MCTP1: variants seen among roughly 807,000 people sequenced by gnomAD.
MCTP1 encodes multiple C2 and transmembrane domain-containing protein 1.
Under a neutral mutation model 120.6 loss-of-function variants are expected in MCTP1, and 69 were observed. The observed-to-expected ratio is 0.57, with a 90% CI of 0.47 to 0.70. The LOEUF (loss-of-function observed/expected upper bound fraction) is 0.70. MCTP1 is among the 30% of genes least tolerant of loss of function. The pLI is 0.00. For missense variants in MCTP1, 1,203 were observed against 1,248.8 expected, an observed-to-expected ratio of 0.96 and a Z score of 0.55; for synonymous variants, 529 against 493.1, an observed-to-expected ratio of 1.07 and a Z score of -0.96.
intron 1 of MCTP1, among the ~76,000 whole-genome samples, chr5:95,233,343 T>C (rs1461482250): frequency 5.4e-5 from 8 of 147,980 alleles, no homozygotes; most frequent in Non-Finnish European, 6.0e-5. Context: ...TTTTTTTTTT[T>C]CTCGAGACGG....
At chr5:95,238,957 A>T (rs1755861447) in intron 1 of MCTP1, among the ~76,000 whole-genome samples, 2 of 152,302 alleles carry the variant, frequency 1.3e-5, no homozygotes, top group African/African-American at 4.8e-5. Flanking sequence ...TTTTGATTTC[A>T]GTATACATGT....
In MCTP1 at chr5:94,861,054, TC is replaced by T. The variant is rs1481279749; in HGVS notation, c.2436+7278del. Among the ~76,000 whole-genome samples, 5 of 151,822 alleles carry T rather than the reference TC, an allele frequency of 3.3e-5. No individual in the cohort carries two copies. In the East Asian group the frequency reaches 7.7e-4, roughly 24 times the overall value. On this transcript the variant is annotated intron_variant, in intron 17 of 22. Coordinates refer to ENST00000515393, the MANE Select transcript of MCTP1 (RefSeq NM_024717.7). ...CTTGCCTCTTAGTTTTCTCTGATTT[TC>T]TCTTCGTTATTTCAGCTATTTGAGC...
intron 1 of MCTP1, among the ~76,000 whole-genome samples, chr5:95,172,560 G>A (rs759048971): frequency 1.9e-4 from 28 of 151,186 alleles, no homozygotes; most frequent in Middle Eastern, 3.2e-3. Flanking sequence ...CACAGGCATA[G>A]ATGAATTATT....
chr5:94,829,260 G>A (rs1327139230), intron 17 of MCTP1, among the ~76,000 whole-genome samples: 2 of 152,056 alleles, frequency 1.3e-5, no homozygotes, highest in South Asian at 2.1e-4. Flanking sequence ...GTGAGGCGAC[G>A]CCCCACCCTG....
intron 2 of MCTP1, among the ~76,000 whole-genome samples, chr5:95,006,345 G>A (rs938043317): frequency 6.6e-6 from 1 of 151,140 alleles, no homozygotes; most frequent in African/African-American, 2.4e-5. Context: ...GTGTGTATGT[G>A]TATGGGTGTA....
intron 1 of MCTP1, among the ~76,000 whole-genome samples, chr5:95,134,983 C>T (rs1398182649): frequency 1.0e-5 from 1 of 98,344 alleles, no homozygotes; most frequent in Non-Finnish European, 1.8e-5. Flanking sequence ...TTTACTGTTG[C>T]CTGATGGCCA....
At chr5:95,095,895 G>T (rs570663048) in intron 1 of MCTP1, among the ~76,000 whole-genome samples, 1 of 152,104 alleles carries the variant, frequency 6.6e-6, no homozygotes, top group Non-Finnish European at 1.5e-5. Flanking sequence ...ATGAGGGGAG[G>T]CCCAGAAGGC....
At chr5:95,131,134 G>T in intron 1 of MCTP1, among the ~76,000 whole-genome samples, 1 of 152,064 alleles carries the variant, frequency 6.6e-6, no homozygotes. Flanking sequence ...CTCTTTGGTG[G>T]TAACAGAGCA....
At chr5:95,151,959 T>C (rs1368584375) in intron 1 of MCTP1, among the ~76,000 whole-genome samples, 7 of 152,204 alleles carry the variant, frequency 4.6e-5, no homozygotes, top group African/African-American at 7.2e-5. Context: ...AATGGCAACA[T>C]TGTTGAAAGC....
intron 1 of MCTP1, among the ~76,000 whole-genome samples, chr5:95,269,768 C>G (rs1469490353): frequency 6.6e-6 from 1 of 152,196 alleles, no homozygotes; most frequent in Non-Finnish European, 1.5e-5. Flanking sequence ...TTGCCACTTA[C>G]TAACTATGGA....
intron 1 of MCTP1, among the ~76,000 whole-genome samples, chr5:95,101,382 T>C (rs1756722477): frequency 1.3e-5 from 2 of 152,226 alleles, no homozygotes; most frequent in Non-Finnish European, 2.9e-5. Context: ...AGAAAACATC[T>C]TGTTTCCTGT....
intron 2 of MCTP1, among the ~76,000 whole-genome samples, chr5:95,013,250 G>A (rs1484886202): frequency 6.6e-6 from 1 of 152,128 alleles, no homozygotes; most frequent in Non-Finnish European, 1.5e-5. Flanking sequence ...ATTGGTTCCT[G>A]AGGTTTAAGG....
chr5:95,277,549 C>T (rs935859726), intron 1 of MCTP1, among the ~76,000 whole-genome samples: 1 of 152,218 alleles, frequency 6.6e-6, no homozygotes, highest in African/African-American at 2.4e-5. Context: ...CATTCAGGCA[C>T]CATTTATTGA....
At chr5:95,112,867 CAGA>C (rs1241585688) in intron 1 of MCTP1, among the ~76,000 whole-genome samples, 3 of 152,004 alleles carry the variant, frequency 2.0e-5, no homozygotes, top group African/African-American at 2.4e-5. Flanking sequence ...AATTCTAAAG[CAGA>C]AGATTTCTTT....
At chr5:95,075,532 TG>T (rs1320178182) in intron 1 of MCTP1, among the ~76,000 whole-genome samples, 2 of 152,250 alleles carry the variant, frequency 1.3e-5, no homozygotes, top group East Asian at 3.9e-4. Flanking sequence ...CAGAATATAA[TG>T]GGAAGAATAT....
intron 1 of MCTP1, among the ~76,000 whole-genome samples, chr5:95,282,991 T>C (rs1582730697): frequency 6.6e-6 from 1 of 152,216 alleles, no homozygotes; most frequent in East Asian, 1.9e-4. Flanking sequence ...AAATGTTCTT[T>C]AGGTCTCTGG....
At chr5:95,082,090 C>CA (rs1489933062) in intron 1 of MCTP1, among the ~76,000 whole-genome samples, 1 of 152,084 alleles carries the variant, frequency 6.6e-6, no homozygotes, top group Non-Finnish European at 1.5e-5. Flanking sequence ...CAAGAAGTGG[C>CA]ATGCTTTACA....
intron 1 of MCTP1, among the ~76,000 whole-genome samples, chr5:95,217,041 C>A (rs1582564017): frequency 6.6e-6 from 1 of 152,186 alleles, no homozygotes; most frequent in South Asian, 2.1e-4. Context: ...GAATCCACAA[C>A]TGAAAATGCA....
intron 17 of MCTP1, among the ~76,000 whole-genome samples, chr5:94,807,438 T>C (rs1475273108): frequency 6.6e-6 from 1 of 152,206 alleles, no homozygotes; most frequent in East Asian, 1.9e-4. Context: ...CTTTTCATTT[T>C]GAAAAAGCCA....
Sources: gnomAD v4.1 joint callset for allele counts (sites outside exome capture counted in the v4.1 genomes callset) on GRCh38, gnomAD v4.1.1 for gene constraint, MANE v1.5 for transcripts, NCBI Gene and HGNC (gene_info 2026-07-23, HGNC 2026-07-21) for gene names.